SLCO4A1: variants seen among roughly 807,000 people sequenced by gnomAD.
The protein encoded by SLCO4A1 is colon organic anion transporter.
SLCO4A1 carries 51 observed loss-of-function variants against 64.6 expected under a neutral mutation model. The ratio of observed to expected loss-of-function variants is 0.79; its 90% confidence interval spans 0.63 to 1.00. SLCO4A1 has a LOEUF of 1.00. Among genes scored for constraint, SLCO4A1 ranks in the 50% least tolerant of loss-of-function variants. SLCO4A1 has a pLI of 0.00. For synonymous variants in SLCO4A1, 471 were observed against 444.9 expected (o/e 1.06, Z -0.74); for missense variants, 919 against 980.5 (o/e 0.94, Z 0.84).
chr20:62,683,052 G>A (rs1231877576), intron 2 of SLCO4A1, among the ~76,000 whole-genome samples: 5 of 152,184 alleles, frequency 3.3e-5, no homozygotes, highest in Non-Finnish European at 7.3e-5. Flanking sequence ...AGCTCTTTGG[G>A]GAACACAAAA....
intron 2 of SLCO4A1, among the ~76,000 whole-genome samples, chr20:62,680,624 G>A (rs57726994): frequency 0.17 from 25,253 of 150,866 alleles, 2,191 homozygotes; most frequent in African/African-American, 0.21. Context: ...CCGTTTCTGA[G>A]TCTGTTGACA....
At position 62,645,044 on chromosome 20, in the gene SLCO4A1, G is replaced by A. The variant is rs1193839112; in HGVS notation, c.-97+2491G>A. ...GCAAGGTGCACACTGTTGGCTTTTG[G>A]ACAAGGACATGGGACAGTCCTCAGA... On this transcript the variant is annotated intron_variant, in intron 1 of 11. Transcript: ENST00000217159. This position sits in a 1 kb window ranked among gnomAD's most constrained non-coding sequence, Gnocchi z 4.2. Among the ~76,000 whole-genome samples, 1 of 152,246 alleles carries A rather than the reference G, an allele frequency of 6.6e-6. No homozygotes were observed. Among genetic ancestry groups the A allele is most frequent in the Non-Finnish European group, 1.5e-5 (1 of 68,040 alleles).
At chr20:62,649,128 T>C (rs1394815408) in intron 1 of SLCO4A1, 1 of 152,258 alleles carries the variant, frequency 6.6e-6, no homozygotes, top group East Asian at 1.9e-4. Flanking sequence ...ATGGTTTCGG[T>C]CCAGTCTGAG....
intron 5 of SLCO4A1, among the ~76,000 whole-genome samples, chr20:62,663,815 T>C (rs1215653493): frequency 1.3e-5 from 2 of 152,172 alleles, no homozygotes; most frequent in Non-Finnish European, 2.9e-5. Context: ...GAGCCTCTCT[T>C]TGCAGAGGCG....
At chr20:62,681,544 G>GTT in intron 2 of SLCO4A1, among the ~76,000 whole-genome samples, 1 of 150,522 alleles carries the variant, frequency 6.6e-6, no homozygotes, top group East Asian at 1.9e-4. Context: ...ACTCGTGTGT[G>GTT]TATTAAACCG....
intron 9 of SLCO4A1, 30 bp from the exon 10 acceptor site, chr20:62,668,447 G>A (rs1004877921): frequency 1.2e-6 from 2 of 1,612,530 alleles, no homozygotes; most frequent in Non-Finnish European, 1.7e-6. Flanking sequence ...CCACTTCTGT[G>A]GGTGCTGACG....
downstream of SLCO4A1, among the ~76,000 whole-genome samples, chr20:62,686,366 G>A (rs113259065): frequency 9.1e-4 from 139 of 152,282 alleles, no homozygotes; most frequent in African/African-American, 3.1e-3. Flanking sequence ...CGTGGAGCTC[G>A]CAGTTCTTCT....
At position 62,685,433 on chromosome 20, in the gene SLCO4A1, T is replaced by A; in HGVS notation, n.212-8T>A. 3 of 985,190 alleles carry A rather than the reference T, an allele frequency of 3.0e-6. No individual in the cohort carries two copies. The highest frequency in any genetic ancestry group is 3.6e-6 in the Non-Finnish European group (3 of 829,666). 61.0% of individuals were successfully genotyped at this position (985,190 alleles called of 1,614,324 possible). A position where few individuals can be genotyped will look rare whatever the true frequency, so the allele number is the denominator to read the frequency against. The stretch of plus-strand genomic sequence containing the variant: ...TTTTCTTGCTTTGTTTGTTGTTTTT[T>A]TCTTAAGGAAGAAGAGAATGAATTT... On this transcript the variant is annotated splice_region_variant and splice_polypyrimidine_tract_variant and intron_variant and non_coding_transcript_variant, in intron 2 of 2. Transcript: ENST00000466818. The surrounding 1 kb of genome is among the most constrained non-coding windows in gnomAD (Gnocchi z 4.6).
At chr20:62,651,434 G>A (rs1982487193) in intron 1 of SLCO4A1, 1 of 152,274 alleles carries the variant, frequency 6.6e-6, no homozygotes, top group South Asian at 2.1e-4. Context: ...CCCAACGGAA[G>A]CCCCTGGAGG....
At chr20:62,675,512 G>A (rs1462960716), downstream of SLCO4A1, among the ~76,000 whole-genome samples, 1 of 152,216 alleles carries the variant, frequency 6.6e-6, no homozygotes, top group Non-Finnish European at 1.5e-5. Flanking sequence ...GCCCAGGGAG[G>A]AGACAGGAGC....
chr20:62,658,141 G>T (rs1984083417), intron 2 of SLCO4A1, among the ~76,000 whole-genome samples: 1 of 152,246 alleles, frequency 6.6e-6, no homozygotes, highest in African/African-American at 2.4e-5. Flanking sequence ...GCCCCAGCCG[G>T]ACTCTGCAGT....
intron 2 of SLCO4A1, among the ~76,000 whole-genome samples, chr20:62,682,612 A>G (rs1218018641): frequency 6.6e-6 from 1 of 151,702 alleles, no homozygotes; most frequent in Non-Finnish European, 1.5e-5. Flanking sequence ...GCATCATCCC[A>G]TCAGATAGCA....
Position 62,656,738 on chromosome 20 carries a change from G to A in SLCO4A1, c.284G>A (p.Cys95Tyr), listed in dbSNP as rs1364495399. The A allele has an allele frequency of 6.2e-7, 1 of 1,612,022 alleles. No homozygotes were observed. Among genetic ancestry groups the A allele is most frequent in the Non-Finnish European group, 8.5e-7 (1 of 1,179,506 alleles). ...GGCTGGTGGGCCTTCGCACCGCCGT[G>A]CCTGCAGGTCCTCAACACGCCCAAG... ...ACGWWAFAPPCLQVLNTPKGI... is the reference protein window; with the variant it reads ...ACGWWAFAPPYLQVLNTPKGI... Residue 95 changes from cysteine (C) to tyrosine (Y), a missense_variant, in exon 2 of 12, where the codon TGC becomes TAC. Physicochemically the swap from Cys to Tyr is radical, Grantham distance 194. Coordinates refer to ENST00000217159, the MANE Select transcript of SLCO4A1 (RefSeq NM_016354.4).
chr20:62,671,436 C>G (rs928909273), intron 11 of SLCO4A1, among the ~76,000 whole-genome samples: 1 of 152,232 alleles, frequency 6.6e-6, no homozygotes, highest in Non-Finnish European at 1.5e-5. Flanking sequence ...TCCTTAATTA[C>G]ATCTGCAAAG....
downstream of SLCO4A1, among the ~76,000 whole-genome samples, chr20:62,686,347 G>A (rs374263735): frequency 1.6e-4 from 25 of 152,340 alleles, no homozygotes; most frequent in East Asian, 3.1e-3. Context: ...ACAGTCAACC[G>A]CAGAGCGGCG....
chr20:62,683,789 T>C (rs1295779773), intron 2 of SLCO4A1, among the ~76,000 whole-genome samples: 1 of 152,192 alleles, frequency 6.6e-6, no homozygotes, highest in Non-Finnish European at 1.5e-5. Flanking sequence ...AAACACCGAC[T>C]TTCTCAAAAC....
chr20:62,668,366 G>C (rs868099257), intron 9 of SLCO4A1, 111 bp from the exon 10 acceptor site: 498 of 1,308,020 alleles, frequency 3.8e-4, no homozygotes, highest in Middle Eastern at 5.6e-4. Flanking sequence ...TCCCACTTGG[G>C]GGGGGGTGAT....
At chr20:62,656,310 T>C (rs1983699865) in intron 1 of SLCO4A1, 49 bp from the exon 2 acceptor site, 1 of 677,520 alleles carries the variant, frequency 1.5e-6, no homozygotes, top group South Asian at 2.0e-5. Flanking sequence ...CTGGATGTGC[T>C]GTACCCGTGG....
chr20:62,676,142 C>T (rs912122656), downstream of SLCO4A1, among the ~76,000 whole-genome samples: 2 of 152,124 alleles, frequency 1.3e-5, no homozygotes, highest in Admixed American at 6.5e-5. Flanking sequence ...TCGGCCGGCT[C>T]GCCAGCGCAC....
Sources: gnomAD v4.1 joint callset for allele counts (sites outside exome capture counted in the v4.1 genomes callset) on GRCh38, gnomAD v4.1.1 for gene constraint, Gnocchi (gnomAD v3.1) non-coding constraint, MANE v1.5 for transcripts, NCBI Gene and HGNC (gene_info 2026-07-23, HGNC 2026-07-21) for gene names.